The following ARHGEF10 variants were observed in gnomAD, a reference collection of about 807,000 sequenced individuals.
ARHGEF10 encodes the protein Rho guanine nucleotide exchange factor 10.
ARHGEF10 carries 140 observed loss-of-function variants against 147.4 expected under a neutral mutation model. The observed-to-expected ratio is 0.95, with a 90% CI of 0.83 to 1.09. ARHGEF10 has a LOEUF of 1.09. Among genes scored for constraint, ARHGEF10 ranks in the 50% least tolerant of loss-of-function variants. ARHGEF10 has a pLI of 0.00. For synonymous variants in ARHGEF10, 902 were observed against 695.8 expected (o/e 1.30, Z -4.67); for missense variants, 2,222 against 1,752.7 (o/e 1.27, Z -4.78).
chr8:1,943,422 CCTT>C (rs1054221835), intron 26 of ARHGEF10, among the ~76,000 whole-genome samples: 1 of 152,096 alleles, frequency 6.6e-6, no homozygotes, highest in Non-Finnish European at 1.5e-5. Flanking sequence ...GGCCTGCACA[CCTT>C]CTCCTCTGTG....
chr8:1,875,201 G>A (rs1210607092), intron 7 of ARHGEF10, among the ~76,000 whole-genome samples: 3 of 132,058 alleles, frequency 2.3e-5, no homozygotes, highest in Non-Finnish European at 4.9e-5. Context: ...GGCTGTGTCG[G>A]GGATAGAGGT....
At chr8:1,915,217 C>T (rs11988014) in intron 18 of ARHGEF10, among the ~76,000 whole-genome samples, 12,864 of 152,160 alleles carry the variant, frequency 0.085, 694 homozygotes, top group African/African-American at 0.16. Flanking sequence ...GCGCTGACTC[C>T]GGATGGAAGG....
intron 18 of ARHGEF10, among the ~76,000 whole-genome samples, chr8:1,916,481 C>A (rs944230286): frequency 6.6e-6 from 1 of 152,196 alleles, no homozygotes; most frequent in Non-Finnish European, 1.5e-5. Context: ...AAAAACCAAA[C>A]TGGATTTTAG....
intron 28 of ARHGEF10, among the ~76,000 whole-genome samples, chr8:1,954,629 C>CCAGG (rs1815331717): frequency 6.6e-6 from 1 of 152,202 alleles, no homozygotes; most frequent in Non-Finnish European, 1.5e-5. Context: ...GGGGCTGTGA[C>CCAGG]TCACACACTG....
intron 18 of ARHGEF10, among the ~76,000 whole-genome samples, chr8:1,915,967 G>A (rs1325416797): frequency 6.6e-6 from 1 of 152,204 alleles, no homozygotes; most frequent in Non-Finnish European, 1.5e-5. Flanking sequence ...CAGGGTCACG[G>A]CCCTGTCCAG....
chr8:1,869,443 T>G, intron 7 of ARHGEF10, 193 bp downstream of exon 7: 2 of 698,312 alleles, frequency 2.9e-6, no homozygotes, highest in East Asian at 5.4e-5. Context: ...CTTATAACCC[T>G]TGAAATAGGG....
At chr8:1,912,911 G>A (rs1811479617) in intron 18 of ARHGEF10, among the ~76,000 whole-genome samples, 1 of 152,184 alleles carries the variant, frequency 6.6e-6, no homozygotes, top group Admixed American at 6.5e-5. Flanking sequence ...CAGTTGCTCT[G>A]GCCTGGTGCA....
chr8:1,831,829 C>G (rs1170448047), intron 1 of ARHGEF10, among the ~76,000 whole-genome samples: 1 of 152,198 alleles, frequency 6.6e-6, no homozygotes, highest in Non-Finnish European at 1.5e-5. Flanking sequence ...TGACAGGCAG[C>G]TTTTTCTCAT....
chr8:1,920,152 T>C (rs902840954), intron 18 of ARHGEF10, among the ~76,000 whole-genome samples: 2 of 151,488 alleles, frequency 1.3e-5, no homozygotes, highest in Non-Finnish European at 2.9e-5. Flanking sequence ...GAGTTCTCCC[T>C]CAGGCTTACT....
intron 27 of ARHGEF10, among the ~76,000 whole-genome samples, chr8:1,952,009 C>G (rs558489430): frequency 2.4e-4 from 31 of 127,018 alleles, no homozygotes; most frequent in Non-Finnish European, 2.9e-4. Context: ...CAGCCACTTT[C>G]TAGCCTTGTC....
chr8:1,882,088 AC>A (rs1808248820), intron 9 of ARHGEF10, among the ~76,000 whole-genome samples: 1 of 152,090 alleles, frequency 6.6e-6, no homozygotes, highest in Non-Finnish European at 1.5e-5. Context: ...AGCGTGCTGC[AC>A]CCCGACCCTC....
chr8:1,859,461 G>T (rs1013979323), intron 3 of ARHGEF10, among the ~76,000 whole-genome samples: 1 of 151,476 alleles, frequency 6.6e-6, no homozygotes, highest in Non-Finnish European at 1.5e-5. Flanking sequence ...GTGTTTCTTT[G>T]TGCATAGCAC....
At chr8:1,882,541 A>AG in intron 9 of ARHGEF10, 94 bp from the exon 10 acceptor site, 2 of 1,054,490 alleles carry the variant, frequency 1.9e-6, no homozygotes, top group Non-Finnish European at 2.9e-6. Flanking sequence ...CACAAGAACC[A>AG]GACTACTTGA....
chr8:1,957,869 A>T lies in ARHGEF10; in HGVS notation c.*606A>T, dbSNP rs1425320096. 6.6e-6 allele frequency: 1 copy of T among 152,366 alleles called. No homozygotes were observed. The highest frequency in any genetic ancestry group is 2.4e-5 in the African/African-American group (1 of 41,472). The allele number at this position is 152,366 out of a possible 1,614,324, so 9.4% of individuals were successfully genotyped here. A position where few individuals can be genotyped will look rare whatever the true frequency, so the allele number is the denominator to read the frequency against. On this transcript the variant is annotated 3_prime_UTR_variant, in exon 29 of 29. Transcript: ENST00000349830. ...TAATGTGTGTACTGTATATTTTAAC[A>T]AAGTAATATTTTTGTATTGCATTTT...
At chr8:1,884,867 C>A (rs1483447724) in intron 10 of ARHGEF10, among the ~76,000 whole-genome samples, 1 of 152,162 alleles carries the variant, frequency 6.6e-6, no homozygotes, top group Non-Finnish European at 1.5e-5. Flanking sequence ...TGGGTTCAGG[C>A]GATCCTCCTG....
At chr8:1,857,548 A>T (rs1302503704) in intron 2 of ARHGEF10, among the ~76,000 whole-genome samples, 1 of 151,572 alleles carries the variant, frequency 6.6e-6, no homozygotes, top group Admixed American at 6.6e-5. Context: ...CCTTCCTGAG[A>T]AGCTGGGATT....
At chr8:1,837,693 G>A (rs918035124) in intron 1 of ARHGEF10, among the ~76,000 whole-genome samples, 16 of 152,076 alleles carry the variant, frequency 1.1e-4, no homozygotes, top group Admixed American at 3.3e-4. Flanking sequence ...TGTGCTTCTG[G>A]CCCTGCCACT....
chr8:1,895,919 A>T (rs1386198496), intron 13 of ARHGEF10, among the ~76,000 whole-genome samples: 4 of 152,100 alleles, frequency 2.6e-5, no homozygotes, highest in Non-Finnish European at 1.5e-5. Flanking sequence ...CCCCATTTCT[A>T]GGGTGTGGTT....
intron 7 of ARHGEF10, chr8:1,870,090 C>G (rs1030790832): frequency 6.6e-6 from 1 of 152,312 alleles, no homozygotes; most frequent in African/African-American, 2.4e-5. Flanking sequence ...CAGCACCGCT[C>G]AAGACAGCGC....
Sources: allele counts gnomAD v4.1 joint callset (sites outside exome capture counted in the v4.1 genomes callset), GRCh38; gene constraint gnomAD v4.1.1; transcripts MANE v1.5; gene names NCBI Gene and HGNC (gene_info 2026-07-23, HGNC 2026-07-21).